Variants in MKLN1 observed in about 807,000 individuals in gnomAD.
The protein encoded by MKLN1 is muskelin.
In MKLN1, 18 loss-of-function variants were observed where a neutral mutation model predicts 99.0. The ratio of observed to expected loss-of-function variants is 0.18; its 90% CI spans 0.13 to 0.27. The LOEUF (loss-of-function observed/expected upper bound fraction) is 0.27. MKLN1 is among the 10% of genes least tolerant of loss of function. MKLN1 has a pLI of 1.00. For missense variants in MKLN1, 621 were observed against 875.9 expected (o/e 0.71, Z 3.67); for synonymous variants, 288 against 293.2 (o/e 0.98, Z 0.18).
intron 2 of MKLN1, among the ~76,000 whole-genome samples, chr7:131,381,796 G>A (rs1346869908): frequency 1.3e-5 from 2 of 152,018 alleles, no homozygotes; most frequent in Non-Finnish European, 2.9e-5. Context: ...CTTCTCTCTA[G>A]TAACCAATGC....
At chr7:131,167,054 C>T (rs919090520) in intron 2 of MKLN1, among the ~76,000 whole-genome samples, 3 of 152,054 alleles carry the variant, frequency 2.0e-5, no homozygotes, top group African/African-American at 4.8e-5. Context: ...ACACTTCCCC[C>T]GCCACATCCC....
At chr7:131,244,846 C>T (rs889674569) in intron 3 of MKLN1, among the ~76,000 whole-genome samples, 4 of 152,062 alleles carry the variant, frequency 2.6e-5, no homozygotes, top group Non-Finnish European at 4.4e-5. Flanking sequence ...CACATATGCC[C>T]GAATGTACAA....
chr7:131,349,380 A>G (rs1185066941), intron 1 of MKLN1, among the ~76,000 whole-genome samples: 1 of 152,108 alleles, frequency 6.6e-6, no homozygotes, highest in African/African-American at 2.4e-5. Context: ...TATTTTTAGT[A>G]GAGACGGGGT....
intron 7 of MKLN1, among the ~76,000 whole-genome samples, chr7:131,414,352 A>G (rs1471155603): frequency 2.0e-5 from 3 of 152,030 alleles, no homozygotes; most frequent in Non-Finnish European, 4.4e-5. Flanking sequence ...TTTTTGTTTT[A>G]TGTTTTTGTA....
chr7:131,141,573 C>T (rs548694063), intron 1 of MKLN1, among the ~76,000 whole-genome samples: 1 of 152,304 alleles, frequency 6.6e-6, no homozygotes, highest in South Asian at 2.1e-4. Context: ...CTCTAAACTA[C>T]TTTTAGTACT....
At chr7:131,243,513 G>A (rs1413556436) in intron 3 of MKLN1, among the ~76,000 whole-genome samples, 1 of 152,016 alleles carries the variant, frequency 6.6e-6, no homozygotes, top group African/African-American at 2.4e-5. Context: ...ATTCTCAATA[G>A]CACATTGAGC....
Position 131,180,868 on chromosome 7 carries a change from T to C in MKLN1, c.-296-21989T>C, listed in dbSNP as rs1221553370. Reference sequence around the variant, plus strand: ...GAATAATTCCATACAGAAAATTATTTGTACTCTACAAAAATATTTATTAAA... The same window carrying C: ...GAATAATTCCATACAGAAAATTATTCGTACTCTACAAAAATATTTATTAAA... On this transcript the variant is annotated intron_variant, in intron 2 of 7. Coordinates refer to the MKLN1 transcript ENST00000416992. 2.0e-5 allele frequency among the ~76,000 whole-genome samples: 3 copies of C among 152,178 alleles called. No homozygotes were observed. In the East Asian group the frequency reaches 5.8e-4, roughly 29 times the overall value.
rs60581249 is a variant in MKLN1, at chr7:131,252,329, C to CTTTTTTTTTTTTTT, written c.-179+49359_-179+49372dup. Among the ~76,000 whole-genome samples, 20 of 118,522 alleles carry CTTTTTTTTTTTTTT rather than the reference C, an allele frequency of 1.7e-4. 1 individual carries two copies. The highest frequency in any genetic ancestry group is 5.3e-3 in the Middle Eastern group (1 of 188). The allele number at this position is 118,522 out of a possible 152,430, so 77.8% of individuals were successfully genotyped here. A position where few individuals can be genotyped will look rare whatever the true frequency, so the allele number is the denominator to read the frequency against. ...CATAGTGAAAGGACTTTTTTCTTTT[C>CTTTTTTTTTTTTTT]TTTTTTTTTTTTTTTTTGAGATGGA... On this transcript the variant is annotated intron_variant, in intron 3 of 7. Transcript: ENST00000416992.
At chr7:131,365,109 C>T (rs964154278) in intron 1 of MKLN1, among the ~76,000 whole-genome samples, 2 of 152,176 alleles carry the variant, frequency 1.3e-5, no homozygotes, top group African/African-American at 4.8e-5. Flanking sequence ...TCTCTGTAAC[C>T]TTAACCCCAT....
intron 2 of MKLN1, among the ~76,000 whole-genome samples, chr7:131,184,840 A>G (rs1034826155): frequency 2.0e-5 from 3 of 152,142 alleles, no homozygotes; most frequent in Non-Finnish European, 2.9e-5. Context: ...ATACTTTTTT[A>G]AAGATGCACA....
intron 1 of MKLN1, among the ~76,000 whole-genome samples, chr7:131,353,740 C>T (rs1584639212): frequency 6.6e-6 from 1 of 150,522 alleles, no homozygotes; most frequent in Admixed American, 6.6e-5. Flanking sequence ...TTTAAAGTTT[C>T]ATAGTTTTAT....
chr7:131,367,184 A>C (rs1791455801), intron 1 of MKLN1, among the ~76,000 whole-genome samples: 1 of 152,108 alleles, frequency 6.6e-6, no homozygotes, highest in Non-Finnish European at 1.5e-5. Flanking sequence ...AATGTTATTC[A>C]TTTTTATTGC....
At chr7:131,411,426 C>A in intron 7 of MKLN1, 43 bp downstream of exon 7, 1 of 1,295,164 alleles carries the variant, frequency 7.7e-7, no homozygotes, top group South Asian at 1.2e-5. Flanking sequence ...TCATTAATGT[C>A]TCAGTCTTCA....
At chr7:131,175,833 G>A (rs1356437546) in intron 2 of MKLN1, among the ~76,000 whole-genome samples, 4 of 152,174 alleles carry the variant, frequency 2.6e-5, no homozygotes, top group Admixed American at 6.5e-5. Flanking sequence ...CCGGGAGGTG[G>A]AGGTTGCGGT....
rs1321011038 is a variant in MKLN1, at chr7:131,491,756, T to G, written c.*4028T>G. On this transcript the variant is annotated 3_prime_UTR_variant, in exon 18 of 18. Transcript: ENST00000352689. ...ATAAATGCTGTATTAGAGGTTCTAT[T>G]TATATATGATTTTTAAAACTTTGGT... 6.6e-6 allele frequency: 1 copy of G among 152,614 alleles called. No homozygotes were observed. The highest frequency in any genetic ancestry group is 1.5e-5 in the Non-Finnish European group (1 of 68,028). 9.5% of individuals were successfully genotyped at this position (152,614 alleles called of 1,614,324 possible).
At chr7:131,270,839 A>C (rs1797873431) in intron 3 of MKLN1, among the ~76,000 whole-genome samples, 1 of 151,630 alleles carries the variant, frequency 6.6e-6, no homozygotes, top group Non-Finnish European at 1.5e-5. Flanking sequence ...CTTATTTTAA[A>C]AAATGGATAA....
intron 1 of MKLN1, among the ~76,000 whole-genome samples, chr7:131,366,266 C>T (rs1488455326): frequency 6.6e-6 from 1 of 151,960 alleles, no homozygotes; most frequent in East Asian, 1.9e-4. Flanking sequence ...TATGATTCAA[C>T]AAAAAGGCAG....
At chr7:131,355,455 A>G (rs1275451291) in intron 1 of MKLN1, among the ~76,000 whole-genome samples, 3 of 151,688 alleles carry the variant, frequency 2.0e-5, no homozygotes, top group Non-Finnish European at 4.4e-5. Flanking sequence ...ATACATATAT[A>G]TATGTATATA....
rs1374787260 is a variant in MKLN1 at position 131,489,069 on chromosome 7, G to T, written c.*1341G>T. On this transcript the variant is annotated 3_prime_UTR_variant, in exon 18 of 18. Coordinates refer to ENST00000352689, the MANE Select transcript of MKLN1 (RefSeq NM_013255.5). ...ATATTAAGAAGTGTCGGTCGATCCAGTGGCTCTTAAGAGTGAATAGCTTTA... is the reference window on the plus strand; with the variant it reads ...ATATTAAGAAGTGTCGGTCGATCCATTGGCTCTTAAGAGTGAATAGCTTTA... 3.3e-5 allele frequency: 5 copies of T among 152,188 alleles called. No homozygotes were observed. In the East Asian group the frequency reaches 9.7e-4, roughly 29 times the overall value. The allele number at this position is 152,188 out of a possible 1,614,324, so 9.4% of individuals were successfully genotyped here.
Sources: allele counts gnomAD v4.1 joint callset (sites outside exome capture counted in the v4.1 genomes callset), GRCh38; gene constraint gnomAD v4.1.1; transcripts MANE v1.5; gene names NCBI Gene and HGNC (gene_info 2026-07-23, HGNC 2026-07-21).